The following KCNAB2 variants were observed in gnomAD, a reference collection of about 807,000 sequenced individuals.
The protein encoded by KCNAB2 is potassium voltage-gated channel subfamily A regulatory beta subunit 2, also known as voltage-gated potassium channel subunit beta-2.
KCNAB2 carries 29 observed loss-of-function variants against 63.6 expected under a neutral mutation model. The ratio of observed to expected loss-of-function variants is 0.46; its 90% CI spans 0.34 to 0.62. The LOEUF is 0.62. Ranked by LOEUF, KCNAB2 falls within the 20% of genes least tolerant of loss-of-function variation. The pLI is 0.01. For missense variants in KCNAB2, 359 were observed against 563.9 expected (o/e 0.64, Z 3.68); for synonymous variants, 222 against 224.2 (o/e 0.99, Z 0.09).
chr1:6,072,880 G>C lies in KCNAB2; in HGVS notation c.262+82G>C, dbSNP rs185333214. 5.7e-3 allele frequency: 8,027 copies of C among 1,407,352 alleles called. 31 individuals are homozygous for C. The highest frequency in any genetic ancestry group is 6.8e-3 in the Non-Finnish European group (6,892 of 1,009,494). The allele number at this position is 1,407,352 out of a possible 1,614,324, so 87.2% of individuals were successfully genotyped here. On this transcript the variant is annotated intron_variant, in intron 3 of 15. Transcript: ENST00000378083. ...CATGGACTGAACTGGACACCCCTTG[G>C]GAGGCAGGGTGGCCCAAACCTTGGC...
rs34852966 is a variant in KCNAB2, at chr1:6,074,954, GAA to G, written c.300+1198_300+1199del. Among the ~76,000 whole-genome samples the G allele has an allele frequency of 2.2e-5, 3 of 136,054 alleles. No homozygotes were observed. Among genetic ancestry groups the G allele is most frequent in the African/African-American group, 5.4e-5 (2 of 37,056 alleles). 89.3% of individuals were successfully genotyped at this position (136,054 alleles called of 152,430 possible). On this transcript the variant is annotated intron_variant, in intron 4 of 15. Transcript: ENST00000378083. This position sits in a 1 kb window ranked among gnomAD's most constrained non-coding sequence, Gnocchi z 4.9. ...AGGCCGTAGAGTAAGACTCTGTCTC[GAA>G]AAAAAAAAAAAAAGACAATAGCTGG...
intron 13 of KCNAB2, chr1:6,095,978 C>T (rs1308317077): frequency 2.8e-5 from 12 of 422,892 alleles, no homozygotes; most frequent in South Asian, 5.2e-5. Context: ...GCCTGGGCTC[C>T]GAGATGGGGG....
At chr1:6,015,430 A>G (rs1658435861) in intron 1 of KCNAB2, among the ~76,000 whole-genome samples, 1 of 152,248 alleles carries the variant, frequency 6.6e-6, no homozygotes, top group Non-Finnish European at 1.5e-5. Context: ...ATTGGAACAC[A>G]GCCACGCCCT....
At chr1:6,048,050 C>T (rs1408385405) in intron 1 of KCNAB2, among the ~76,000 whole-genome samples, 3 of 152,234 alleles carry the variant, frequency 2.0e-5, no homozygotes, top group Non-Finnish European at 4.4e-5. Context: ...ATCCTGGCCA[C>T]AAAACCCATT....
intron 1 of KCNAB2, among the ~76,000 whole-genome samples, chr1:6,038,124 A>G (rs897587032): frequency 1.3e-5 from 2 of 148,186 alleles, no homozygotes; most frequent in African/African-American, 2.5e-5. Flanking sequence ...TGATCCACCC[A>G]CCTCAGCCTC....
intron 1 of KCNAB2, among the ~76,000 whole-genome samples, chr1:6,004,613 T>C (rs1434182080): frequency 6.9e-6 from 1 of 145,014 alleles, no homozygotes; most frequent in East Asian, 2.2e-4. Context: ...CCACATGGCC[T>C]TTTCTGTGTC....
At chr1:6,088,258 G>A (rs1664877470) in intron 7 of KCNAB2, among the ~76,000 whole-genome samples, 1 of 145,910 alleles carries the variant, frequency 6.9e-6, no homozygotes, top group African/African-American at 2.6e-5. Flanking sequence ...TTGAGACAGG[G>A]TCTCACTTTG....
At chr1:6,031,902 AAG>A (rs896903497), upstream of KCNAB2, among the ~76,000 whole-genome samples, 12 of 152,014 alleles carry the variant, frequency 7.9e-5, no homozygotes, top group Admixed American at 7.9e-4. The surrounding 1 kb of genome is among the most constrained non-coding windows in gnomAD (Gnocchi z 4.1). Context: ...AAAAGAAAGA[AAG>A]AGAGAGGGGC....
upstream of KCNAB2, among the ~76,000 whole-genome samples, chr1:6,030,186 C>T (rs1659485784): frequency 2.0e-5 from 3 of 152,236 alleles, no homozygotes. Context: ...TATAATGATG[C>T]TGCTGGTAGC....
intron 6 of KCNAB2, 74 bp downstream of exon 6, chr1:6,085,322 C>T: frequency 2.2e-6 from 3 of 1,382,844 alleles, no homozygotes; most frequent in South Asian, 1.2e-5. Flanking sequence ...GCCTCGTCGG[C>T]CTGTCGTGCA....
At chr1:6,045,814 C>T, upstream of KCNAB2, 1 of 765,102 alleles carries the variant, frequency 1.3e-6, no homozygotes, top group Non-Finnish European at 1.6e-6. This position sits in a 1 kb window ranked among gnomAD's most constrained non-coding sequence, Gnocchi z 4.8. Context: ...ATGGTGGAGG[C>T]AGCAAGGGTA....
chr1:6,081,447 A>G (rs35183981), intron 4 of KCNAB2, among the ~76,000 whole-genome samples: 17,749 of 152,310 alleles, frequency 0.12, 1,291 homozygotes, highest in African/African-American at 0.19. Context: ...TCCCAGCAAC[A>G]TCCACAGAGC....
intron 1 of KCNAB2, among the ~76,000 whole-genome samples, chr1:5,993,108 T>TGCCCGCTCCGGTCCTAGCA (rs1353482345): frequency 7.0e-6 from 1 of 142,078 alleles, no homozygotes; most frequent in East Asian, 2.4e-4. Flanking sequence ...TCCCCATCTC[T>TGCCCGCTCCGGTCCTAGCA]GCCCGCTCCG....
rs912039558 is a variant in KCNAB2, at chr1:6,074,269, C to T, written c.300+499C>T. Among the ~76,000 whole-genome samples the T allele has an allele frequency of 2.6e-5, 4 of 152,220 alleles. No individual in the cohort carries two copies. Among genetic ancestry groups the T allele is most frequent in the African/African-American group, 7.2e-5 (3 of 41,452 alleles). ...TGTCCATTTCCCAGCTGCCGCGAAC[C>T]GTGCGGATCGCAGTCAGATGTATTT... On this transcript the variant is annotated intron_variant, in intron 4 of 15. Transcript: ENST00000378083. The surrounding 1 kb of genome is among the most constrained non-coding windows in gnomAD (Gnocchi z 4.9).
intron 2 of KCNAB2, among the ~76,000 whole-genome samples, chr1:6,060,700 C>T (rs1169327719): frequency 6.6e-6 from 1 of 152,170 alleles, no homozygotes; most frequent in East Asian, 1.9e-4. Flanking sequence ...GTCAAGAGAT[C>T]GAGACCATCC....
rs1385420637 is a variant in KCNAB2, at chr1:6,073,921, C to T, written c.300+151C>T. Reference sequence around the variant, plus strand: ...TTCTGTTTTGTGAGGGCGCCCTGCCCCAGGGGAGAGTAGAAAGGTGAGCCA... The same window carrying T: ...TTCTGTTTTGTGAGGGCGCCCTGCCTCAGGGGAGAGTAGAAAGGTGAGCCA... On this transcript the variant is annotated intron_variant, in intron 4 of 15. Transcript: ENST00000378083. This position sits in a 1 kb window ranked among gnomAD's most constrained non-coding sequence, Gnocchi z 5.7. 5.4e-6 allele frequency: 4 copies of T among 743,930 alleles called. No individual in the cohort carries two copies. The Admixed American group carries it at 6.7e-5, about 12-fold the overall frequency. 46.1% of individuals were successfully genotyped at this position (743,930 alleles called of 1,614,324 possible).
intron 11 of KCNAB2, 149 bp from the exon 12 acceptor site, chr1:6,095,174 A>C: frequency 2.6e-6 from 2 of 780,788 alleles, no homozygotes; most frequent in Non-Finnish European, 4.1e-6. Context: ...CTCCCAGGGA[A>C]GCTATGAGTG....
At chr1:6,084,212 G>A (rs773453892) in intron 5 of KCNAB2, among the ~76,000 whole-genome samples, 12 of 152,256 alleles carry the variant, frequency 7.9e-5, no homozygotes, top group Non-Finnish European at 1.3e-4. Flanking sequence ...CAAGCAGAAA[G>A]TTCTTCAAAG....
chr1:6,097,858 C>T (rs899967492), intron 15 of KCNAB2: 11 of 221,176 alleles, frequency 5.0e-5, no homozygotes, highest in South Asian at 1.5e-4. Flanking sequence ...AGACGGGAGC[C>T]GTGGCAAAAT....
Sources: allele counts gnomAD v4.1 joint callset (sites outside exome capture counted in the v4.1 genomes callset), GRCh38; gene constraint gnomAD v4.1.1; non-coding constraint Gnocchi (gnomAD v3.1); transcripts MANE v1.5; gene names NCBI Gene and HGNC (gene_info 2026-07-23, HGNC 2026-07-21).